Variants in KCNMA1 observed in about 807,000 individuals in gnomAD.
KCNMA1 encodes potassium calcium-activated channel subfamily M alpha 1.
KCNMA1 carries 29 observed loss-of-function variants against 140.0 expected under a neutral mutation model. The ratio of observed to expected loss-of-function variants is 0.21; its 90% CI spans 0.15 to 0.28. KCNMA1 has a LOEUF of 0.28. Among genes scored for constraint, KCNMA1 ranks in the 10% least tolerant of loss-of-function variants. The pLI, the probability that KCNMA1 is intolerant of heterozygous loss-of-function variation, is 1.00. For missense variants in KCNMA1, 880 were observed against 1,602.2 expected (o/e 0.55, Z 7.70); for synonymous variants, 612 against 611.9 (o/e 1.00, Z 0.00).
chr10:77,118,136 A>T (rs1037822141), intron 6 of KCNMA1, among the ~76,000 whole-genome samples: 7 of 152,220 alleles, frequency 4.6e-5, no homozygotes, highest in Non-Finnish European at 7.3e-5. Flanking sequence ...GATTGGCAGG[A>T]ATTCACCGCC....
At chr10:77,089,183 C>A (rs757321615) in intron 10 of KCNMA1, among the ~76,000 whole-genome samples, 1 of 152,092 alleles carries the variant, frequency 6.6e-6, no homozygotes, top group African/African-American at 2.4e-5. Context: ...TGTTGGTGCC[C>A]CAACATGGTG....
At chr10:77,167,688 TC>T (rs1004158271) in intron 5 of KCNMA1, among the ~76,000 whole-genome samples, 1 of 151,806 alleles carries the variant, frequency 6.6e-6, no homozygotes, top group Non-Finnish European at 1.5e-5. Context: ...TTTCTTTCTT[TC>T]TTTTTTTTTT....
chr10:77,350,085 G>A (rs992362692), intron 2 of KCNMA1, among the ~76,000 whole-genome samples: 1 of 152,128 alleles, frequency 6.6e-6, no homozygotes, highest in Admixed American at 6.5e-5. Context: ...TTTTAATAGA[G>A]ATGGGGTTTC....
intron 1 of KCNMA1, among the ~76,000 whole-genome samples, chr10:77,616,948 CAACT>C (rs2089779855): frequency 6.6e-6 from 1 of 152,082 alleles, no homozygotes; most frequent in Non-Finnish European, 1.5e-5. Flanking sequence ...GCAAGCAACA[CAACT>C]ATGATTTAAG....
At chr10:77,354,073 G>A (rs978078004) in intron 2 of KCNMA1, among the ~76,000 whole-genome samples, 6 of 151,028 alleles carry the variant, frequency 4.0e-5, no homozygotes, top group East Asian at 1.9e-4. Context: ...TGCAACCTCC[G>A]CCTCCTGGGT....
At chr10:77,048,278 G>A (rs568937734) in intron 14 of KCNMA1, among the ~76,000 whole-genome samples, 85 of 152,168 alleles carry the variant, frequency 5.6e-4, no homozygotes, top group African/African-American at 1.9e-3. Flanking sequence ...TACTTAACTC[G>A]TCACGGATGA....
chr10:77,406,296 A>G (rs1407341888), intron 1 of KCNMA1, among the ~76,000 whole-genome samples: 1 of 115,198 alleles, frequency 8.7e-6, no homozygotes, highest in Non-Finnish European at 1.9e-5. Flanking sequence ...GGGAAAATCC[A>G]GCTCTGCCAC....
chr10:77,540,296 G>C (rs1603634364), intron 1 of KCNMA1, among the ~76,000 whole-genome samples: 1 of 152,338 alleles, frequency 6.6e-6, no homozygotes, highest in African/African-American at 2.4e-5. Flanking sequence ...GTCCAGGTTG[G>C]TATCCATATA....
chr10:77,153,253 A>G (rs2098444999), intron 5 of KCNMA1, among the ~76,000 whole-genome samples: 1 of 152,244 alleles, frequency 6.6e-6, no homozygotes, highest in African/African-American at 2.4e-5. Context: ...AGAAGGCCTG[A>G]GACTGGTGAA....
At position 77,177,278 on chromosome 10, in the gene KCNMA1, CTTCCTTCCTTCT is replaced by C. The variant is rs548957814; in HGVS notation, c.808+6131_808+6142del. 6.4e-4 allele frequency among the ~76,000 whole-genome samples: 96 copies of C among 151,150 alleles called. 1 individual carries two copies. The highest frequency in any genetic ancestry group is 3.4e-3 in the Middle Eastern group (1 of 292). On this transcript the variant is annotated intron_variant, in intron 5 of 27. Coordinates refer to ENST00000286628, the MANE Select transcript of KCNMA1 (RefSeq NM_001161352.2). The stretch of plus-strand genomic sequence containing the variant: ...CCTTTCTTCCTTCCTTCTTTCCTTT[CTTCCTTCCTTCT>C]TTCCTTCCTTCTTTCTTTTCTTTCC...
Position 77,115,714 on chromosome 10 carries a change from AGT to A in KCNMA1, c.885-3274_885-3273del, listed in dbSNP as rs1339943070. Among the ~76,000 whole-genome samples the A allele has an allele frequency of 2.2e-4, 33 of 152,338 alleles. 1 individual carries two copies. Among genetic ancestry groups the A allele is most frequent in the South Asian group, 1.5e-3 (7 of 4,824 alleles). ...AAATGATGGTTACAGTGATATTAGT[AGT>A]GCGTTAGGGAGCTCTTGCCATATGC... On this transcript the variant is annotated intron_variant, in intron 6 of 27. Coordinates refer to ENST00000286628, the MANE Select transcript of KCNMA1 (RefSeq NM_001161352.2).
intron 19 of KCNMA1, among the ~76,000 whole-genome samples, chr10:76,982,287 T>A (rs141101624): frequency 5.8e-4 from 88 of 150,634 alleles, no homozygotes; most frequent in South Asian, 1.3e-3. Context: ...ACATGAAATG[T>A]CTTAGACAAT....
chr10:77,597,605 C>T (rs1204270594), intron 1 of KCNMA1, among the ~76,000 whole-genome samples: 1 of 152,226 alleles, frequency 6.6e-6, no homozygotes, highest in East Asian at 1.9e-4. Flanking sequence ...AAGCCATATA[C>T]AAGGCTCACA....
chr10:77,631,243 C>T (rs1228109425), intron 1 of KCNMA1, among the ~76,000 whole-genome samples: 1 of 152,128 alleles, frequency 6.6e-6, no homozygotes, highest in African/African-American at 2.4e-5. Context: ...CCCTTGCCTC[C>T]GAGGGTCCCT....
At chr10:77,303,807 G>C (rs771381425) in intron 2 of KCNMA1, among the ~76,000 whole-genome samples, 5 of 152,178 alleles carry the variant, frequency 3.3e-5, no homozygotes, top group South Asian at 2.1e-4. Flanking sequence ...CAGGGTCTGT[G>C]CTCTTCGCCA....
chr10:77,110,007 T>G (rs1233137194), intron 8 of KCNMA1, among the ~76,000 whole-genome samples, 166 bp downstream of exon 8: 1 of 152,190 alleles, frequency 6.6e-6, no homozygotes, highest in Non-Finnish European at 1.5e-5. Context: ...CACCAAGAAT[T>G]ATGCAGAAAA....
intron 1 of KCNMA1, among the ~76,000 whole-genome samples, chr10:77,584,858 G>C (rs1488989483): frequency 6.6e-6 from 1 of 152,198 alleles, no homozygotes; most frequent in Non-Finnish European, 1.5e-5. Flanking sequence ...GCACTCGGCT[G>C]CACTTAAGGC....
chr10:77,554,921 G>C lies in KCNMA1; in HGVS notation c.378+82344C>G, dbSNP rs536077967. On this transcript the variant is annotated intron_variant, in intron 1 of 27. Transcript: ENST00000286628. ...CAGGTGAAGGGGATAGCCAATCACAGAGGGGTGCAGGTTGGCATTGACCTC... is the reference window on the plus strand; with the variant it reads ...CAGGTGAAGGGGATAGCCAATCACACAGGGGTGCAGGTTGGCATTGACCTC... Among the ~76,000 whole-genome samples, 5 of 152,310 alleles carry C rather than the reference G, an allele frequency of 3.3e-5. No homozygotes were observed. The South Asian group carries it at 1.0e-3, about 32-fold the overall frequency.
At chr10:77,479,669 T>A (rs942644752) in intron 1 of KCNMA1, among the ~76,000 whole-genome samples, 1 of 152,132 alleles carries the variant, frequency 6.6e-6, no homozygotes, top group African/African-American at 2.4e-5. Context: ...TAAACCCAGG[T>A]GGCCAAGGTG....
Sources: allele counts gnomAD v4.1 joint callset (sites outside exome capture counted in the v4.1 genomes callset), GRCh38; gene constraint gnomAD v4.1.1; transcripts MANE v1.5; gene names NCBI Gene and HGNC (gene_info 2026-07-23, HGNC 2026-07-21).